The following TBL1XR1 variants were observed in gnomAD, a reference collection of about 807,000 sequenced individuals.
The protein encoded by TBL1XR1 is F-box-like/WD repeat-containing protein TBL1XR1.
A neutral mutation model predicts 66.9 loss-of-function variants in TBL1XR1; 5 were observed. The ratio of observed to expected loss-of-function variants is 0.07; its 90% CI spans 0.04 to 0.16. The LOEUF is 0.16. TBL1XR1 is among the 10% of genes least tolerant of loss of function. TBL1XR1 has a pLI of 1.00. For synonymous variants in TBL1XR1, 210 were observed against 206.0 expected (o/e 1.02, Z -0.17); for missense variants, 238 against 623.2 (o/e 0.38, Z 6.58).
intron 3 of TBL1XR1, among the ~76,000 whole-genome samples, chr3:177,062,659 A>G (rs981067920): frequency 6.6e-6 from 1 of 152,216 alleles, no homozygotes; most frequent in Non-Finnish European, 1.5e-5. Flanking sequence ...ACTACACTGT[A>G]AAGTCTAAAA....
intron 4 of TBL1XR1, among the ~76,000 whole-genome samples, chr3:177,053,032 G>T (rs1379207655): frequency 6.6e-6 from 1 of 152,180 alleles, no homozygotes; most frequent in Non-Finnish European, 1.5e-5. Context: ...AACCCAGGAG[G>T]CGGAGGTTGC....
chr3:177,115,060 C>A (rs1342401021), intron 1 of TBL1XR1, among the ~76,000 whole-genome samples: 1 of 151,954 alleles, frequency 6.6e-6, no homozygotes, highest in African/African-American at 2.4e-5. Flanking sequence ...CGGTCTACAT[C>A]CATATTGTCT....
At chr3:177,199,682 G>A (rs1038366153), upstream of TBL1XR1, among the ~76,000 whole-genome samples, 3 of 151,924 alleles carry the variant, frequency 2.0e-5, no homozygotes, top group African/African-American at 7.3e-5. Flanking sequence ...TTCCACAAGG[G>A]AGGAGACACC....
chr3:177,166,252 G>A (rs1277466993), intron 1 of TBL1XR1, among the ~76,000 whole-genome samples: 1 of 152,070 alleles, frequency 6.6e-6, no homozygotes, highest in Non-Finnish European at 1.5e-5. Flanking sequence ...ATGATAATGA[G>A]ATAAATAAAA....
intron 1 of TBL1XR1, among the ~76,000 whole-genome samples, chr3:177,138,342 T>C (rs1282086681): frequency 2.0e-5 from 3 of 152,086 alleles, no homozygotes; most frequent in African/African-American, 4.8e-5. Flanking sequence ...CACCTGCAAT[T>C]TCGGCATTTT....
intron 1 of TBL1XR1, among the ~76,000 whole-genome samples, chr3:177,175,929 C>T (rs926515821): frequency 2.0e-5 from 3 of 151,210 alleles, no homozygotes; most frequent in Non-Finnish European, 2.9e-5. Context: ...TGGTGGTGGG[C>T]GCCTGTAGTC....
At position 177,044,481 on chromosome 3, in the gene TBL1XR1, T is replaced by C. The variant is rs543942909; in HGVS notation, c.925+1648A>G. On this transcript the variant is annotated intron_variant, in intron 10 of 15. Coordinates refer to ENST00000457928, the MANE Select transcript of TBL1XR1 (RefSeq NM_024665.7). ...AAGAGTATATACTGTATGATCCCAA[T>C]CATACAATGTAATCTAATCTCTGGG... Among the ~76,000 whole-genome samples the C allele has an allele frequency of 1.3e-5, 2 of 152,040 alleles. 1 individual carries two copies. The highest frequency in any genetic ancestry group is 4.2e-4 in the South Asian group (2 of 4,816).
chr3:177,035,976 C>G (rs1714726916), intron 12 of TBL1XR1, among the ~76,000 whole-genome samples: 1 of 152,160 alleles, frequency 6.6e-6, no homozygotes, highest in Admixed American at 6.5e-5. Context: ...AAGTAAAAAG[C>G]ACTTAAGCAC....
chr3:177,035,546 T>A (rs1296057710), intron 12 of TBL1XR1, among the ~76,000 whole-genome samples: 3 of 151,944 alleles, frequency 2.0e-5, no homozygotes, highest in African/African-American at 7.3e-5. Flanking sequence ...CCAGAGTAGC[T>A]GGGATTATAG....
chr3:177,077,393 A>C (rs561329209), intron 2 of TBL1XR1, among the ~76,000 whole-genome samples: 45 of 152,354 alleles, frequency 3.0e-4, no homozygotes, highest in African/African-American at 1.1e-3. Context: ...ATCTCACCTG[A>C]AAATGAGGGG....
chr3:177,045,271 A>T (rs1045020010), intron 10 of TBL1XR1, among the ~76,000 whole-genome samples: 3 of 152,090 alleles, frequency 2.0e-5, no homozygotes, highest in Non-Finnish European at 4.4e-5. Context: ...CCAAACTGAA[A>T]TTTTTTCTAG....
chr3:177,156,518 TACACACACACACAC>T (rs35566193), intron 1 of TBL1XR1, among the ~76,000 whole-genome samples: 13 of 139,706 alleles, frequency 9.3e-5, no homozygotes, highest in South Asian at 6.7e-4. Flanking sequence ...TATATATACA[TACACACACACACAC>T]ACACACACAC....
chr3:177,115,101 T>A (rs979870406), intron 1 of TBL1XR1, among the ~76,000 whole-genome samples: 1 of 152,138 alleles, frequency 6.6e-6, no homozygotes, highest in African/African-American at 2.4e-5. Context: ...CAGGATGGAC[T>A]CCATACAGTA....
At chr3:177,125,135 C>A (rs188003904) in intron 1 of TBL1XR1, among the ~76,000 whole-genome samples, 81 of 152,062 alleles carry the variant, frequency 5.3e-4, no homozygotes, top group Middle Eastern at 3.4e-3. Flanking sequence ...TGAAAACCCA[C>A]AGAACAGGAC....
At chr3:177,140,864 T>C (rs899812689) in intron 1 of TBL1XR1, among the ~76,000 whole-genome samples, 1 of 152,230 alleles carries the variant, frequency 6.6e-6, no homozygotes, top group East Asian at 1.9e-4. Flanking sequence ...CCAACCTGCA[T>C]AAACATTCTT....
chr3:177,135,314 T>TGTGTGTGTGTGTGG, intron 1 of TBL1XR1, among the ~76,000 whole-genome samples: 3 of 93,140 alleles, frequency 3.2e-5, no homozygotes, highest in Non-Finnish European at 4.3e-5. Context: ...ACTCTGTGTG[T>TGTGTGTGTGTGTGG]GTGTGTGTGT....
intron 1 of TBL1XR1, among the ~76,000 whole-genome samples, chr3:177,113,985 A>G (rs1725972217): frequency 6.6e-6 from 1 of 152,194 alleles, no homozygotes; most frequent in Non-Finnish European, 1.5e-5. Flanking sequence ...TGATCCAGCA[A>G]TCCCACTACT....
intron 1 of TBL1XR1, chr3:177,120,680 CTTTT>C (rs1056835537): frequency 3.3e-5 from 5 of 152,100 alleles, no homozygotes; most frequent in African/African-American, 9.7e-5. Flanking sequence ...CCCAAATTTA[CTTTT>C]TTTATTTTTA....
chr3:177,170,614 T>C (rs1053961420), intron 1 of TBL1XR1, among the ~76,000 whole-genome samples: 1 of 152,168 alleles, frequency 6.6e-6, no homozygotes, highest in Non-Finnish European at 1.5e-5. Context: ...ATTTATATTC[T>C]AAAGTCCTTG....
Sources: gnomAD v4.1 joint callset for allele counts (sites outside exome capture counted in the v4.1 genomes callset) on GRCh38, gnomAD v4.1.1 for gene constraint, MANE v1.5 for transcripts, NCBI Gene and HGNC (gene_info 2026-07-23, HGNC 2026-07-21) for gene names.